FAM135A: variants seen among roughly 807,000 people sequenced by gnomAD.
The protein encoded by FAM135A is protein FAM135A.
In FAM135A, 79 loss-of-function variants were observed where a neutral mutation model predicts 146.8. That is an observed-to-expected ratio of 0.54 (90% CI 0.45 to 0.65). The LOEUF (loss-of-function observed/expected upper bound fraction) is 0.65, where lower values mean the gene tolerates loss of function less well. Among genes scored for constraint, FAM135A ranks in the 30% least tolerant of loss-of-function variants. The probability of loss-of-function intolerance (pLI) is 0.00; values close to 1 mark genes in which losing one functional copy is unlikely to be tolerated. For synonymous variants in FAM135A, 562 were observed against 603.6 expected (o/e 0.93, Z 1.01); for missense variants, 1,623 against 1,758.2 (o/e 0.92, Z 1.38).
At chr6:70,540,794 C>G (rs1797780666) in intron 20 of FAM135A, among the ~76,000 whole-genome samples, 2 of 152,156 alleles carry the variant, frequency 1.3e-5, no homozygotes, top group Non-Finnish European at 2.9e-5. Context: ...AGCCTTTGAT[C>G]TCTTCCAAAA....
chr6:70,486,757 C>T (rs1016379917), intron 10 of FAM135A, among the ~76,000 whole-genome samples: 17 of 152,040 alleles, frequency 1.1e-4, no homozygotes, highest in Admixed American at 1.3e-4. Context: ...AATGAAACCA[C>T]GTCTCTACTA....
intron 20 of FAM135A, among the ~76,000 whole-genome samples, chr6:70,542,229 T>G (rs546805689): frequency 1.4e-5 from 2 of 144,420 alleles, no homozygotes; most frequent in Non-Finnish European, 3.0e-5. Flanking sequence ...TCTCTGATTC[T>G]CTGTTTTCTT....
chr6:70,444,956 C>T (rs1775366868), intron 4 of FAM135A, among the ~76,000 whole-genome samples: 1 of 152,040 alleles, frequency 6.6e-6, no homozygotes, highest in Non-Finnish European at 1.5e-5. Flanking sequence ...GTTTTTTATC[C>T]TTCCATTGAT....
At chr6:70,452,322 A>T (rs1347039497) in intron 4 of FAM135A, among the ~76,000 whole-genome samples, 170 bp from the exon 5 acceptor site, 4 of 151,876 alleles carry the variant, frequency 2.6e-5, no homozygotes, top group Non-Finnish European at 2.9e-5. Context: ...TGCCATGTTT[A>T]TATTTGATAT....
intron 11 of FAM135A, among the ~76,000 whole-genome samples, chr6:70,501,080 T>C (rs530468868): frequency 1.1e-4 from 16 of 152,328 alleles, no homozygotes; most frequent in African/African-American, 3.4e-4. Context: ...TGATTAAATC[T>C]GCTGAAGCTG....
Position 70,469,391 on chromosome 6 carries a change from A to G in FAM135A, c.158-6019A>G, listed in dbSNP as rs1398386709. 2.0e-5 allele frequency among the ~76,000 whole-genome samples: 3 copies of G among 152,230 alleles called. No individual in the cohort carries two copies. In the East Asian group the frequency reaches 5.8e-4, roughly 29 times the overall value. On this transcript the variant is annotated intron_variant, in intron 5 of 21. Coordinates refer to ENST00000418814, the MANE Select transcript of FAM135A (RefSeq NM_001162529.3). ...TTTTAAAGCTTAAAATATTGATGTCAGTTGAGGATATAGGCAACTTTCACT... is the reference window on the plus strand; with the variant it reads ...TTTTAAAGCTTAAAATATTGATGTCGGTTGAGGATATAGGCAACTTTCACT...
intron 5 of FAM135A, among the ~76,000 whole-genome samples, chr6:70,465,965 G>A (rs566353638): frequency 6.6e-6 from 1 of 152,188 alleles, no homozygotes; most frequent in African/African-American, 2.4e-5. Flanking sequence ...TGTCAACAAA[G>A]CCTCTCCTGG....
intron 20 of FAM135A, among the ~76,000 whole-genome samples, chr6:70,542,081 C>T (rs923443361): frequency 6.6e-6 from 1 of 152,134 alleles, no homozygotes; most frequent in African/African-American, 2.4e-5. Context: ...AATGATCATC[C>T]AGTGAAGCCA....
intron 15 of FAM135A, among the ~76,000 whole-genome samples, chr6:70,526,935 C>T (rs181729641): frequency 1.5e-4 from 23 of 152,114 alleles, no homozygotes; most frequent in African/African-American, 5.1e-4. Flanking sequence ...CTTGGCCAGA[C>T]AGACCTATAG....
intron 16 of FAM135A, among the ~76,000 whole-genome samples, chr6:70,529,482 C>T (rs1359105237): frequency 6.7e-6 from 1 of 150,198 alleles, no homozygotes; most frequent in Non-Finnish European, 1.5e-5. Flanking sequence ...AAAATATTCT[C>T]AATGCTAACT....
chr6:70,502,877 A>G, intron 12 of FAM135A, 86 bp downstream of exon 12: 1 of 1,317,596 alleles, frequency 7.6e-7, no homozygotes, highest in South Asian at 1.5e-5. Context: ...CCTGATTTTT[A>G]CCTATATATT....
chr6:70,519,570 C>T (rs912468995), intron 12 of FAM135A, among the ~76,000 whole-genome samples: 3 of 152,166 alleles, frequency 2.0e-5, no homozygotes, highest in Non-Finnish European at 4.4e-5. Flanking sequence ...TAAGAAATTG[C>T]CATAGCCACT....
chr6:70,548,392 A>G (rs1799224926), intron 20 of FAM135A, among the ~76,000 whole-genome samples: 1 of 152,210 alleles, frequency 6.6e-6, no homozygotes, highest in African/African-American at 2.4e-5. Context: ...GAAGTGTAAC[A>G]ACATAGTGTA....
chr6:70,508,587 C>T (rs1437505286), intron 12 of FAM135A, among the ~76,000 whole-genome samples: 1 of 152,182 alleles, frequency 6.6e-6, no homozygotes. Flanking sequence ...TTTGTGCTAG[C>T]ATTGCTGCCC....
At chr6:70,417,642 A>C in intron 2 of FAM135A, 1 of 985,096 alleles carries the variant, frequency 1.0e-6, no homozygotes, top group Non-Finnish European at 1.2e-6. Flanking sequence ...CAGCTGTTTC[A>C]TTCATGATTG....
intron 13 of FAM135A, 138 bp downstream of exon 13, chr6:70,522,724 C>A: frequency 3.0e-6 from 2 of 665,656 alleles, no homozygotes; most frequent in South Asian, 2.3e-5. Context: ...GAAATCCCAT[C>A]TATAATCAAA....
intron 11 of FAM135A, among the ~76,000 whole-genome samples, chr6:70,491,308 A>G (rs1275762238): frequency 6.6e-6 from 1 of 152,028 alleles, no homozygotes; most frequent in Non-Finnish European, 1.5e-5. Flanking sequence ...TATAAATGAA[A>G]TAGCAAAGAT....
At chr6:70,499,798 T>G (rs1788081783) in intron 11 of FAM135A, among the ~76,000 whole-genome samples, 1 of 152,224 alleles carries the variant, frequency 6.6e-6, no homozygotes, top group African/African-American at 2.4e-5. Flanking sequence ...ATGTTGAATA[T>G]TGGCCCCCAC....
chr6:70,414,002 C>A, intron 1 of FAM135A: 1 of 985,692 alleles, frequency 1.0e-6, no homozygotes, highest in Non-Finnish European at 1.2e-6. Flanking sequence ...TCCTGAACCT[C>A]GCGCCTAGCG....
Sources: allele counts gnomAD v4.1 joint callset (sites outside exome capture counted in the v4.1 genomes callset), GRCh38; gene constraint gnomAD v4.1.1; transcripts MANE v1.5; gene names NCBI Gene and HGNC (gene_info 2026-07-23, HGNC 2026-07-21).